Variants in CDH13 observed in about 807,000 individuals in gnomAD.
The protein encoded by CDH13 is cadherin-13.
Under a neutral mutation model 63.8 loss-of-function variants are expected in CDH13, and 24 were observed. The observed-to-expected ratio is 0.38, with a 90% CI of 0.27 to 0.53. CDH13 has a LOEUF of 0.53. Among genes scored for constraint, CDH13 ranks in the 20% least tolerant of loss-of-function variants. CDH13 has a pLI of 0.85. For missense variants in CDH13, 1,049 were observed against 903.1 expected, an observed-to-expected ratio of 1.16 and a Z score of -2.07; for synonymous variants, 503 against 355.3, an observed-to-expected ratio of 1.42 and a Z score of -4.67.
In CDH13 at chr16:82,972,407, T is replaced by C. The variant is rs551966833; in HGVS notation, c.158-59603T>C. On this transcript the variant is annotated intron_variant, in intron 2 of 13. Transcript: ENST00000567109. ...CTGCAGAGGCTCTTGTATTTCTGAGTCCCATTTTGAAAGTCACACAGCCCA... is the reference window on the plus strand; with the variant it reads ...CTGCAGAGGCTCTTGTATTTCTGAGCCCCATTTTGAAAGTCACACAGCCCA... 8.5e-5 allele frequency among the ~76,000 whole-genome samples: 13 copies of C among 152,248 alleles called. No homozygotes were observed. In the East Asian group the frequency reaches 2.5e-3, roughly 29 times the overall value.
intron 8 of CDH13, among the ~76,000 whole-genome samples, chr16:83,648,004 G>A (rs531590077): frequency 2.2e-4 from 33 of 152,220 alleles, no homozygotes; most frequent in African/African-American, 6.7e-4. Flanking sequence ...CCAGTTCTTC[G>A]CCTAAGGAAA....
intron 10 of CDH13, among the ~76,000 whole-genome samples, chr16:83,719,397 G>A (rs981455756): frequency 2.6e-5 from 4 of 152,100 alleles, no homozygotes; most frequent in Non-Finnish European, 5.9e-5. Flanking sequence ...AGGAGAGGGC[G>A]ACATGGGGAG....
At chr16:82,811,014 C>G (rs961240642) in intron 1 of CDH13, among the ~76,000 whole-genome samples, 1 of 152,112 alleles carries the variant, frequency 6.6e-6, no homozygotes, top group East Asian at 1.9e-4. Flanking sequence ...ATCTCAGATC[C>G]TGTTCAGGTG....
intron 1 of CDH13, among the ~76,000 whole-genome samples, chr16:82,652,023 A>T (rs1910777304): frequency 6.6e-6 from 1 of 152,214 alleles, no homozygotes; most frequent in East Asian, 1.9e-4. Context: ...TTCACTTCTC[A>T]TTTTGAAAGA....
At chr16:83,294,414 C>T (rs2089539375) in intron 5 of CDH13, among the ~76,000 whole-genome samples, 1 of 152,102 alleles carries the variant, frequency 6.6e-6, no homozygotes, top group African/African-American at 2.4e-5. Flanking sequence ...ACCACCCCAG[C>T]CCCTGGCAAC....
intron 7 of CDH13, among the ~76,000 whole-genome samples, chr16:83,552,993 C>G (rs192871164): frequency 6.6e-6 from 1 of 151,456 alleles, no homozygotes; most frequent in Non-Finnish European, 1.5e-5. Context: ...GCAGGAGAAT[C>G]ACTTGAACCC....
At chr16:82,865,151 G>A (rs1266705994) in intron 2 of CDH13, among the ~76,000 whole-genome samples, 1 of 152,214 alleles carries the variant, frequency 6.6e-6, no homozygotes, top group Non-Finnish European at 1.5e-5. Flanking sequence ...ACTCCCAGCT[G>A]CTTTCACAGG....
At chr16:83,013,641 A>G (rs1401694285) in intron 2 of CDH13, among the ~76,000 whole-genome samples, 2 of 152,218 alleles carry the variant, frequency 1.3e-5, no homozygotes, top group Non-Finnish European at 2.9e-5. Flanking sequence ...AAAGTCAGTA[A>G]CTTGTCTATT....
intron 5 of CDH13, among the ~76,000 whole-genome samples, chr16:83,220,594 A>T (rs1230883850): frequency 6.6e-6 from 1 of 151,376 alleles, no homozygotes; most frequent in Non-Finnish European, 1.5e-5. Context: ...CATAGAACTT[A>T]AAGTGTAATA....
chr16:83,108,148 T>C (rs1467005363), intron 3 of CDH13, among the ~76,000 whole-genome samples: 5 of 152,114 alleles, frequency 3.3e-5, no homozygotes, highest in Non-Finnish European at 5.9e-5. Flanking sequence ...CTCTTTCTCT[T>C]CCTTCATTCC....
intron 6 of CDH13, among the ~76,000 whole-genome samples, chr16:83,416,095 TACACTA>T (rs1432716350): frequency 6.6e-6 from 1 of 152,200 alleles, no homozygotes; most frequent in Non-Finnish European, 1.5e-5. Flanking sequence ...TATGTTTCTA[TACACTA>T]ACACTAACTG....
chr16:83,002,178 G>A (rs1913006598), intron 2 of CDH13, among the ~76,000 whole-genome samples: 2 of 152,206 alleles, frequency 1.3e-5, no homozygotes, highest in South Asian at 4.1e-4. Flanking sequence ...AAGGGTCTTT[G>A]AAGATGTAGT....
At chr16:83,627,097 A>G (rs1290585014) in intron 8 of CDH13, among the ~76,000 whole-genome samples, 1 of 148,352 alleles carries the variant, frequency 6.7e-6, no homozygotes, top group Non-Finnish European at 1.5e-5. Flanking sequence ...AGCCTCGGCA[A>G]TATGAGGAAA....
At chr16:83,009,986 T>C in intron 2 of CDH13, among the ~76,000 whole-genome samples, 1 of 151,604 alleles carries the variant, frequency 6.6e-6, no homozygotes, top group African/African-American at 2.4e-5. Flanking sequence ...ATACAAAAAA[T>C]TAGCTGGGCA....
At chr16:82,640,007 T>C (rs956787003) in intron 1 of CDH13, among the ~76,000 whole-genome samples, 10 of 152,244 alleles carry the variant, frequency 6.6e-5, no homozygotes, top group Non-Finnish European at 8.8e-5. Flanking sequence ...ATTCTCAGCA[T>C]TGAGGGAGGC....
intron 10 of CDH13, among the ~76,000 whole-genome samples, chr16:83,691,961 C>G (rs1029035539): frequency 1.4e-4 from 22 of 152,138 alleles, no homozygotes; most frequent in African/African-American, 5.3e-4. Context: ...CTCTGATTAC[C>G]CCTTTTATAC....
chr16:83,354,206 C>G (rs559775949), intron 6 of CDH13, among the ~76,000 whole-genome samples: 1 of 152,194 alleles, frequency 6.6e-6, no homozygotes, highest in Non-Finnish European at 1.5e-5. Flanking sequence ...AACGTGCTCA[C>G]CAGCGCCGTT....
chr16:82,842,276 A>C (rs2039068039), intron 1 of CDH13, among the ~76,000 whole-genome samples: 2 of 151,128 alleles, frequency 1.3e-5, no homozygotes, highest in South Asian at 4.2e-4. Flanking sequence ...TTTAATCATC[A>C]GGGTAGCTCA....
Position 83,073,352 on chromosome 16 carries a change from T to TGA in CDH13, c.366+41135_366+41136insAG, listed in dbSNP as rs1185746074. ...GTGTGTGTGTGTGTGTGTGTGTGTG[T>TGA]GTGAGAGAGAGAGAGAGAGAGAGAG... On this transcript the variant is annotated intron_variant, in intron 3 of 13. Coordinates refer to ENST00000567109, the MANE Select transcript of CDH13 (RefSeq NM_001257.5). Among the ~76,000 whole-genome samples, 3 of 125,226 alleles carry TGA rather than the reference T, an allele frequency of 2.4e-5. 1 individual carries two copies. Among genetic ancestry groups the TGA allele is most frequent in the African/African-American group, 9.7e-5 (3 of 30,822 alleles). The allele number at this position is 125,226 out of a possible 152,430, so 82.2% of individuals were successfully genotyped here.
Sources: allele counts gnomAD v4.1 joint callset (sites outside exome capture counted in the v4.1 genomes callset), GRCh38; gene constraint gnomAD v4.1.1; transcripts MANE v1.5; gene names NCBI Gene and HGNC (gene_info 2026-07-23, HGNC 2026-07-21).